TRPM3: variants seen among roughly 807,000 people sequenced by gnomAD.
TRPM3 encodes transient receptor potential cation channel subfamily M member 3.
A neutral mutation model predicts 181.2 loss-of-function variants in TRPM3; 77 were observed. That is an observed-to-expected ratio of 0.42 (90% CI 0.35 to 0.51). TRPM3 has a LOEUF of 0.51. Among genes scored for constraint, TRPM3 ranks in the 20% least tolerant of loss-of-function variants. The pLI, the probability that TRPM3 is intolerant of heterozygous loss-of-function variation, is 0.01. For synonymous variants in TRPM3, 745 were observed against 796.4 expected, an observed-to-expected ratio of 0.94 and a Z score of 1.09; for missense variants, 1,759 against 2,196.7, an observed-to-expected ratio of 0.80 and a Z score of 3.98.
chr9:71,436,559 T>A (rs2094043114), intron 1 of TRPM3, among the ~76,000 whole-genome samples: 1 of 152,030 alleles, frequency 6.6e-6, no homozygotes, highest in African/African-American at 2.4e-5. Flanking sequence ...CACCTCGGCC[T>A]CCCAAAGTGC....
intron 1 of TRPM3, among the ~76,000 whole-genome samples, chr9:71,162,934 G>A (rs1565291603): frequency 6.6e-6 from 1 of 152,122 alleles, no homozygotes; most frequent in African/African-American, 2.4e-5. Flanking sequence ...GGTTCACATG[G>A]GTGTTACAGA....
intron 8 of TRPM3, among the ~76,000 whole-genome samples, chr9:70,701,134 A>C (rs2072407072): frequency 6.6e-6 from 1 of 152,248 alleles, no homozygotes; most frequent in Non-Finnish European, 1.5e-5. Flanking sequence ...CATTAATGCC[A>C]AATAAAAACA....
At chr9:70,946,436 A>G (rs1006630224) in intron 1 of TRPM3, among the ~76,000 whole-genome samples, 37 of 57,432 alleles carry the variant, frequency 6.4e-4, no homozygotes, top group Admixed American at 1.7e-3. Flanking sequence ...TTAAATGGTA[A>G]TAATAATAAT....
intron 1 of TRPM3, among the ~76,000 whole-genome samples, chr9:71,295,345 G>A (rs769287522): frequency 6.6e-6 from 1 of 151,548 alleles, no homozygotes; most frequent in Admixed American, 6.6e-5. Context: ...GAGAGCTCAT[G>A]CCGAATGTTG....
chr9:70,777,330 T>C (rs372925208), intron 7 of TRPM3, among the ~76,000 whole-genome samples: 2 of 152,308 alleles, frequency 1.3e-5, no homozygotes, highest in African/African-American at 2.4e-5. Flanking sequence ...TGTAGGGCAC[T>C]GATGAGCCAA....
Position 71,150,040 on chromosome 9 carries a change from AAAG to A in TRPM3, c.184-285532_184-285530del, listed in dbSNP as rs1464406709. Among the ~76,000 whole-genome samples, 12 of 152,286 alleles carry A rather than the reference AAAG, an allele frequency of 7.9e-5. No homozygotes were observed. In the East Asian group the frequency reaches 2.3e-3, roughly 29 times the overall value. Reference sequence around the variant, plus strand: ...GAATAAGTATACAAATTTACACAAGAAAGAAGAACAAAATGAAACTAAGCAATA... The same window carrying A: ...GAATAAGTATACAAATTTACACAAGAAAGAACAAAATGAAACTAAGCAATA... On this transcript the variant is annotated intron_variant, in intron 1 of 24. Coordinates refer to the TRPM3 transcript ENST00000357533.
chr9:70,933,814 G>A (rs1215367884), intron 1 of TRPM3, among the ~76,000 whole-genome samples: 4 of 151,992 alleles, frequency 2.6e-5, no homozygotes, highest in Admixed American at 1.3e-4. Context: ...ATAGAGAAAA[G>A]GCATAACTTA....
intron 1 of TRPM3, among the ~76,000 whole-genome samples, chr9:71,247,484 C>T (rs1210484927): frequency 2.6e-5 from 4 of 151,348 alleles, no homozygotes; most frequent in African/African-American, 4.9e-5. Flanking sequence ...GCCTAGGTGA[C>T]TTGGGAGAAG....
intron 1 of TRPM3, among the ~76,000 whole-genome samples, chr9:71,367,642 G>T (rs2092378638): frequency 6.6e-6 from 1 of 152,076 alleles, no homozygotes; most frequent in Non-Finnish European, 1.5e-5. Flanking sequence ...ATCTAGTCCA[G>T]GTTCTAAGCT....
intron 1 of TRPM3, among the ~76,000 whole-genome samples, chr9:70,967,485 CTG>C (rs1195709850): frequency 6.6e-6 from 1 of 152,008 alleles, no homozygotes; most frequent in Non-Finnish European, 1.5e-5. Flanking sequence ...CAAAGAAATT[CTG>C]TGTTTACTTT....
chr9:70,763,514 A>G (rs945836051), intron 7 of TRPM3, among the ~76,000 whole-genome samples: 55 of 152,134 alleles, frequency 3.6e-4, no homozygotes, highest in African/African-American at 1.3e-3. Flanking sequence ...AAAAATTTAT[A>G]TTTAGAAAAA....
chr9:70,887,100 CA>C (rs2132778068), intron 1 of TRPM3, among the ~76,000 whole-genome samples: 1 of 152,190 alleles, frequency 6.6e-6, no homozygotes, highest in East Asian at 1.9e-4. Context: ...CCAATATAAA[CA>C]ACCTAACTCC....
chr9:71,334,871 CTCT>C, intron 1 of TRPM3, among the ~76,000 whole-genome samples: 1 of 152,238 alleles, frequency 6.6e-6, no homozygotes, highest in East Asian at 1.9e-4. Context: ...TTATTTTCTT[CTCT>C]TCATCTTTTT....
At chr9:70,537,437 G>C (rs750582953) in intron 25 of TRPM3, 32 bp from the exon 26 acceptor site, 4 of 1,415,864 alleles carry the variant, frequency 2.8e-6, no homozygotes, top group South Asian at 3.7e-5. Context: ...AGAGTCACTC[G>C]GCCTGGTTCC....
intron 8 of TRPM3, among the ~76,000 whole-genome samples, chr9:70,696,711 T>G (rs1375125744): frequency 6.6e-6 from 1 of 152,202 alleles, no homozygotes; most frequent in African/African-American, 2.4e-5. Context: ...TTGTTTAATA[T>G]ATCTGAAAGC....
chr9:70,917,497 G>C (rs2096609987), intron 1 of TRPM3: 8 of 722,022 alleles, frequency 1.1e-5, no homozygotes, highest in Non-Finnish European at 2.0e-5. Flanking sequence ...CCAGGGCCAA[G>C]GGAGCCACCA....
At chr9:70,821,502 G>A (rs1160645889) in intron 6 of TRPM3, among the ~76,000 whole-genome samples, 3 of 152,176 alleles carry the variant, frequency 2.0e-5, no homozygotes, top group Non-Finnish European at 2.9e-5. Context: ...GCTAACACAT[G>A]TTTATTAAGC....
chr9:70,639,876 C>G (rs149217978), intron 10 of TRPM3, among the ~76,000 whole-genome samples: 6 of 152,254 alleles, frequency 3.9e-5, no homozygotes, highest in South Asian at 2.1e-4. Context: ...CAGGCAGAAA[C>G]TCTCTAGGGG....
intron 1 of TRPM3, among the ~76,000 whole-genome samples, chr9:71,203,421 C>A (rs2078925682): frequency 6.6e-6 from 1 of 152,152 alleles, no homozygotes; most frequent in Non-Finnish European, 1.5e-5. Flanking sequence ...TAATTTTGTA[C>A]TAAAACACAA....
Sources: gnomAD v4.1 joint callset for allele counts (sites outside exome capture counted in the v4.1 genomes callset) on GRCh38, gnomAD v4.1.1 for gene constraint, MANE v1.5 for transcripts, NCBI Gene and HGNC (gene_info 2026-07-23, HGNC 2026-07-21) for gene names.